Variants in ELMO1 observed in about 807,000 individuals in gnomAD.
ELMO1 encodes engulfment and cell motility protein 1.
Under a neutral mutation model 98.9 loss-of-function variants are expected in ELMO1, and 26 were observed. The observed-to-expected ratio is 0.26, with a 90% CI of 0.19 to 0.36. The LOEUF is 0.36. Among genes scored for constraint, ELMO1 ranks in the 10% least tolerant of loss-of-function variants. The pLI is 1.00. For synonymous variants in ELMO1, 346 were observed against 346.0 expected (o/e 1.00, Z 0.00); for missense variants, 627 against 935.2 (o/e 0.67, Z 4.30).
At chr7:37,317,083 A>C (rs958296073) in intron 2 of ELMO1, among the ~76,000 whole-genome samples, 2 of 152,152 alleles carry the variant, frequency 1.3e-5, no homozygotes, top group Admixed American at 6.6e-5. Flanking sequence ...AATTAATACA[A>C]AGGGCAAAAG....
intron 4 of ELMO1, among the ~76,000 whole-genome samples, chr7:37,275,606 A>G (rs1172107526): frequency 2.0e-5 from 3 of 152,332 alleles, no homozygotes; most frequent in African/African-American, 7.2e-5. Flanking sequence ...CACTGCATCT[A>G]GACTCCAACT....
chr7:36,892,586 G>T (rs1201084305), intron 17 of ELMO1, among the ~76,000 whole-genome samples: 1 of 152,190 alleles, frequency 6.6e-6, no homozygotes, highest in East Asian at 1.9e-4. Context: ...AGCATACATG[G>T]TCTACTCCTC....
intron 14 of ELMO1, among the ~76,000 whole-genome samples, chr7:37,114,156 G>A (rs1584664942): frequency 6.6e-6 from 1 of 152,246 alleles, no homozygotes; most frequent in Admixed American, 6.5e-5. Flanking sequence ...GATGAGTGAT[G>A]TGATCTGACC....
chr7:37,375,810 C>A, intron 1 of ELMO1: 2 of 857,520 alleles, frequency 2.3e-6, no homozygotes, highest in Non-Finnish European at 1.9e-6. Flanking sequence ...CTGTACACTG[C>A]AGCCGTCCAG....
In ELMO1 at chr7:37,233,135, A is replaced by C; in HGVS notation, c.509T>G (p.Ile170Arg). 6.2e-7 allele frequency: 1 copy of C among 1,613,930 alleles called. No homozygotes were observed. The highest frequency in any genetic ancestry group is 8.5e-7 in the Non-Finnish European group (1 of 1,179,868). The change falls in exon 8 of 22, where the codon ATA becomes AGA. Residue 170 changes from isoleucine to arginine, a missense_variant. By Grantham distance (97) the Ile-to-Arg change is moderately conservative (BLOSUM62 -3). Around this residue, in one of 3 missense-constraint regions of ELMO1, gnomAD observed 492 missense variants for 715.6 expected, o/e 0.69. Coordinates refer to ENST00000310758, the MANE Select transcript of ELMO1 (RefSeq NM_014800.11). ...TAFVELMDHGIVSWDTFSVAF... is the reference protein window; with the variant it reads ...TAFVELMDHGRVSWDTFSVAF... ...CACCGAAAATGTATCCCAGGACACTATGCCATGGTCCATCAGCTCAACGAA... is the reference window on the plus strand; with the variant it reads ...CACCGAAAATGTATCCCAGGACACTCTGCCATGGTCCATCAGCTCAACGAA...
At chr7:37,142,727 T>C (rs1383543500) in intron 13 of ELMO1, among the ~76,000 whole-genome samples, 2 of 152,134 alleles carry the variant, frequency 1.3e-5, no homozygotes, top group African/African-American at 2.4e-5. Context: ...GGGAGCCAAA[T>C]GTAAAAGAGA....
intron 2 of ELMO1, among the ~76,000 whole-genome samples, chr7:37,339,404 G>C (rs892215304): frequency 1.3e-5 from 2 of 152,228 alleles, no homozygotes. Context: ...AATTTTGGGA[G>C]ACAATAGAGC....
At chr7:37,146,795 A>AT (rs1395774014) in intron 13 of ELMO1, among the ~76,000 whole-genome samples, 1 of 152,204 alleles carries the variant, frequency 6.6e-6, no homozygotes, top group African/African-American at 2.4e-5. Flanking sequence ...GAGCAGAAAA[A>AT]TAACTGTGAC....
chr7:37,299,074 ATG>A (rs1798218503), intron 4 of ELMO1, among the ~76,000 whole-genome samples: 2 of 42,830 alleles, frequency 4.7e-5, no homozygotes, highest in African/African-American at 7.8e-5. Context: ...ACATTTTTTC[ATG>A]TGTTTTTTGG....
intron 1 of ELMO1, among the ~76,000 whole-genome samples, chr7:37,434,461 G>A (rs1805061352): frequency 6.6e-6 from 1 of 152,186 alleles, no homozygotes; most frequent in Non-Finnish European, 1.5e-5. Flanking sequence ...AAAATTTAAA[G>A]AAGACACTAG....
intron 1 of ELMO1, among the ~76,000 whole-genome samples, chr7:37,352,663 T>A (rs1297890758): frequency 1.3e-5 from 2 of 152,198 alleles, no homozygotes; most frequent in African/African-American, 4.8e-5. Context: ...GAGAAAACTT[T>A]CCGTTAGTCC....
At chr7:37,225,962 C>T (rs1793851904) in intron 8 of ELMO1, among the ~76,000 whole-genome samples, 1 of 152,144 alleles carries the variant, frequency 6.6e-6, no homozygotes, top group Non-Finnish European at 1.5e-5. Context: ...CTTGCTGCTT[C>T]CCCCCTGTCA....
chr7:37,102,606 T>C (rs1424627803), intron 14 of ELMO1, among the ~76,000 whole-genome samples: 1 of 152,228 alleles, frequency 6.6e-6, no homozygotes. Context: ...CTAACATTTA[T>C]AGAAAGCATT....
chr7:36,995,358 A>C (rs902342696), intron 16 of ELMO1, among the ~76,000 whole-genome samples: 7 of 152,128 alleles, frequency 4.6e-5, no homozygotes, highest in Non-Finnish European at 1.0e-4. Context: ...AAGTACAAAA[A>C]TTAGCTGGGC....
chr7:37,447,713 A>ACCAC (rs1384002095), intron 1 of ELMO1, among the ~76,000 whole-genome samples: 1 of 45,070 alleles, frequency 2.2e-5, no homozygotes, highest in African/African-American at 8.2e-5. Flanking sequence ...GCGCGCACAC[A>ACCAC]CCACACACAC....
At chr7:36,886,457 T>G (rs1031053674) in intron 18 of ELMO1, among the ~76,000 whole-genome samples, 2 of 152,180 alleles carry the variant, frequency 1.3e-5, no homozygotes, top group Admixed American at 1.3e-4. Context: ...AAAATGATTT[T>G]TGTCATTAGT....
chr7:37,184,892 C>T (rs753780813), intron 13 of ELMO1, among the ~76,000 whole-genome samples: 46 of 151,784 alleles, frequency 3.0e-4, no homozygotes, highest in African/African-American at 9.9e-4. Context: ...AGTGAGACCC[C>T]GTCTCAAAAG....
chr7:36,973,712 G>C (rs1223658878), intron 16 of ELMO1, among the ~76,000 whole-genome samples: 4 of 152,240 alleles, frequency 2.6e-5, no homozygotes, highest in Non-Finnish European at 5.9e-5. Flanking sequence ...CAAGGCCGGA[G>C]ACAGCTCCCT....
At chr7:36,910,221 C>G (rs914451655) in intron 16 of ELMO1, among the ~76,000 whole-genome samples, 4 of 152,224 alleles carry the variant, frequency 2.6e-5, no homozygotes, top group African/African-American at 9.6e-5. Context: ...AATTAAGTGG[C>G]TTACTCAAAA....
Sources: gnomAD v4.1 joint callset for allele counts (sites outside exome capture counted in the v4.1 genomes callset) on GRCh38, gnomAD v4.1.1 for gene constraint, gnomAD v4.1.1 regional missense constraint, MANE v1.5 for transcripts, NCBI Gene and HGNC (gene_info 2026-07-23, HGNC 2026-07-21) for gene names.